The following NEMP2 variants were observed in gnomAD, a reference collection of about 807,000 sequenced individuals.
NEMP2 encodes the protein UPF0571 transmembrane protein.
Under a neutral mutation model 54.2 loss-of-function variants are expected in NEMP2, and 53 were observed. That is an observed-to-expected ratio of 0.98 (90% CI 0.78 to 1.23). The LOEUF (loss-of-function observed/expected upper bound fraction) is 1.23, where lower values mean the gene tolerates loss of function less well. Ranked by LOEUF, NEMP2 falls within the 50% of genes most tolerant of loss-of-function variation. The pLI is 0.00. For missense variants in NEMP2, 455 were observed against 511.3 expected (o/e 0.89, Z 1.06); for synonymous variants, 197 against 190.3 (o/e 1.04, Z -0.29).
At chr2:190,538,326 A>G (rs1272203518), upstream of NEMP2, among the ~76,000 whole-genome samples, 1 of 152,194 alleles carries the variant, frequency 6.6e-6, no homozygotes, top group African/African-American at 2.4e-5. This position sits in a 1 kb window ranked among gnomAD's most constrained non-coding sequence, Gnocchi z 4.1. Context: ...ATGGCTGAAT[A>G]ATATTCCATT....
chr2:190,567,373 C>T, the NEMP2 span, among the ~76,000 whole-genome samples: 1 of 151,392 alleles, frequency 6.6e-6, no homozygotes, highest in African/African-American at 2.4e-5. The surrounding 1 kb of genome is among the most constrained non-coding windows in gnomAD (Gnocchi z 4.0). Context: ...AAAAAGTATA[C>T]AAGAAAAGTT....
the NEMP2 span, among the ~76,000 whole-genome samples, chr2:190,631,683 T>C: frequency 6.6e-6 from 1 of 152,356 alleles, no homozygotes; most frequent in South Asian, 2.1e-4. Flanking sequence ...GTCATGACTT[T>C]TATTTTTGTA....
chr2:190,580,652 C>T, the NEMP2 span, among the ~76,000 whole-genome samples: 2 of 152,162 alleles, frequency 1.3e-5, no homozygotes, highest in Non-Finnish European at 2.9e-5. The surrounding 1 kb of genome is among the most constrained non-coding windows in gnomAD (Gnocchi z 5.3). Flanking sequence ...ATTTTCAAGA[C>T]ACTACAGGAT....
At chr2:190,451,695 C>T in the NEMP2 span, among the ~76,000 whole-genome samples, 1 of 152,168 alleles carries the variant, frequency 6.6e-6, no homozygotes, top group Non-Finnish European at 1.5e-5. This position sits in a 1 kb window ranked among gnomAD's most constrained non-coding sequence, Gnocchi z 5.0. Context: ...ATGGAAGCCC[C>T]CAGTGAAGAT....
At chr2:190,487,791 T>C in the NEMP2 span, among the ~76,000 whole-genome samples, 2 of 152,224 alleles carry the variant, frequency 1.3e-5, no homozygotes, top group Non-Finnish European at 2.9e-5. The surrounding 1 kb of genome is among the most constrained non-coding windows in gnomAD (Gnocchi z 5.5). Context: ...ACAGTTCAGG[T>C]GGGAATGTAA....
At chr2:190,594,523 C>T in the NEMP2 span, among the ~76,000 whole-genome samples, 1 of 152,176 alleles carries the variant, frequency 6.6e-6, no homozygotes, top group Non-Finnish European at 1.5e-5. The surrounding 1 kb of genome is among the most constrained non-coding windows in gnomAD (Gnocchi z 5.6). Flanking sequence ...ATCTAACAGC[C>T]ATTAGCACAG....
the NEMP2 span, among the ~76,000 whole-genome samples, chr2:190,644,678 A>C: frequency 6.6e-6 from 1 of 152,058 alleles, no homozygotes; most frequent in African/African-American, 2.4e-5. The surrounding 1 kb of genome is among the most constrained non-coding windows in gnomAD (Gnocchi z 4.4). Flanking sequence ...CTCACTTACA[A>C]GTGGGAGCTA....
chr2:190,469,708 A>G, the NEMP2 span: 2 of 1,138,080 alleles, frequency 1.8e-6, no homozygotes, highest in East Asian at 2.9e-5. The surrounding 1 kb of genome is among the most constrained non-coding windows in gnomAD (Gnocchi z 5.3). Flanking sequence ...GACTCAGTTT[A>G]TTTTCCTTTG....
chr2:190,444,704 A>G, the NEMP2 span: 1 of 156,284 alleles, frequency 6.4e-6, no homozygotes, highest in Non-Finnish European at 1.4e-5. Flanking sequence ...TTGGATAATC[A>G]GTCCAACATT....
chr2:190,622,869 A>C, the NEMP2 span, among the ~76,000 whole-genome samples: 1 of 152,164 alleles, frequency 6.6e-6, no homozygotes, highest in Non-Finnish European at 1.5e-5. Flanking sequence ...AAAATAAAGA[A>C]TATCCAAATT....
In NEMP2 at chr2:190,522,696, C is replaced by G. The variant is rs1559163713; in HGVS notation, c.213+2567G>C. Among the ~76,000 whole-genome samples, 1 of 152,152 alleles carries G rather than the reference C, an allele frequency of 6.6e-6. No homozygotes were observed. The highest frequency in any genetic ancestry group is 2.1e-4 in the South Asian group (1 of 4,814). On this transcript the variant is annotated intron_variant, in intron 2 of 8. Transcript: ENST00000409150. This position sits in a 1 kb window ranked among gnomAD's most constrained non-coding sequence, Gnocchi z 5.0. ...AAGTCTGATAAGAAGCATTTATAAT[C>G]TATTCTCTCTAAAGCCTGCTACCTG...
At chr2:190,616,479 A>G in the NEMP2 span, among the ~76,000 whole-genome samples, 1 of 152,256 alleles carries the variant, frequency 6.6e-6, no homozygotes, top group African/African-American at 2.4e-5. This position sits in a 1 kb window ranked among gnomAD's most constrained non-coding sequence, Gnocchi z 5.1. Flanking sequence ...TAAATGTATT[A>G]AAACTAAATT....
At chr2:190,458,418 A>T in the NEMP2 span, among the ~76,000 whole-genome samples, 1 of 152,118 alleles carries the variant, frequency 6.6e-6, no homozygotes, top group Non-Finnish European at 1.5e-5. This position sits in a 1 kb window ranked among gnomAD's most constrained non-coding sequence, Gnocchi z 5.3. Flanking sequence ...CAAGCCAACG[A>T]GAGGGGCCCT....
the NEMP2 span, among the ~76,000 whole-genome samples, chr2:190,640,600 A>T: frequency 1.3e-5 from 2 of 152,298 alleles, no homozygotes; most frequent in African/African-American, 4.8e-5. Flanking sequence ...CAAACTGTAA[A>T]GATGTAACTT....
At chr2:190,597,263 C>CAA in the NEMP2 span, among the ~76,000 whole-genome samples, 25,597 of 113,868 alleles carry the variant, frequency 0.22, 2,912 homozygotes, top group Admixed American at 0.43. This position sits in a 1 kb window ranked among gnomAD's most constrained non-coding sequence, Gnocchi z 4.7. Flanking sequence ...ACTCTGTCTC[C>CAA]AAAAAAAAAA....
the NEMP2 span, among the ~76,000 whole-genome samples, chr2:190,557,609 A>G: frequency 2.0e-5 from 3 of 152,214 alleles, no homozygotes; most frequent in Admixed American, 6.5e-5. Context: ...TCTAAAAAGA[A>G]CTTAAACAAA....
At chr2:190,577,845 C>G in the NEMP2 span, among the ~76,000 whole-genome samples, 1 of 152,118 alleles carries the variant, frequency 6.6e-6, no homozygotes, top group Admixed American at 6.5e-5. This position sits in a 1 kb window ranked among gnomAD's most constrained non-coding sequence, Gnocchi z 4.8. Context: ...TGCACTCCAG[C>G]CTGGGTGACA....
rs916148646 is a variant in NEMP2 at position 190,505,489 on chromosome 2, C to T, written c.*3700G>A. ...AATCAGTCTTTCTTTTTTGGAAAAACGACCAAATCTAAAAAAACAGATGCC... is the reference window on the plus strand; with the variant it reads ...AATCAGTCTTTCTTTTTTGGAAAAATGACCAAATCTAAAAAAACAGATGCC... On this transcript the variant is annotated 3_prime_UTR_variant, in exon 9 of 9. Coordinates refer to ENST00000409150, the MANE Select transcript of NEMP2 (RefSeq NM_001142645.2). The surrounding 1 kb of genome is among the most constrained non-coding windows in gnomAD (Gnocchi z 5.8). 5 of 151,914 alleles carry T rather than the reference C, an allele frequency of 3.3e-5. No individual in the cohort carries two copies. Among genetic ancestry groups the T allele is most frequent in the African/African-American group, 7.3e-5 (3 of 41,378 alleles). 9.4% of individuals were successfully genotyped at this position (151,914 alleles called of 1,614,324 possible).
the NEMP2 span, among the ~76,000 whole-genome samples, chr2:190,479,178 G>A: frequency 3.9e-5 from 6 of 152,306 alleles, no homozygotes; most frequent in Non-Finnish European, 8.8e-5. Context: ...GGGGATCAAG[G>A]TAAGACTACT....
Sources: gnomAD v4.1 joint callset for allele counts (sites outside exome capture counted in the v4.1 genomes callset) on GRCh38, gnomAD v4.1.1 for gene constraint, Gnocchi (gnomAD v3.1) non-coding constraint, MANE v1.5 for transcripts, NCBI Gene and HGNC (gene_info 2026-07-23, HGNC 2026-07-21) for gene names.